Variants in ZNF365 observed in about 807,000 individuals in gnomAD.
ZNF365 encodes the protein zinc finger protein 365, also known as protein ZNF365.
In ZNF365, 22 loss-of-function variants were observed where a neutral mutation model predicts 35.0. The ratio of observed to expected loss-of-function variants is 0.63; its 90% CI spans 0.45 to 0.90. ZNF365 has a LOEUF of 0.90. Among genes scored for constraint, ZNF365 ranks in the 40% least tolerant of loss-of-function variants. The pLI, the probability that ZNF365 is intolerant of heterozygous loss-of-function variation, is 0.00. For synonymous variants in ZNF365, 188 were observed against 196.2 expected, an observed-to-expected ratio of 0.96 and a Z score of 0.35; for missense variants, 448 against 500.3, an observed-to-expected ratio of 0.90 and a Z score of 1.00.
At chr10:62,435,126 A>G (rs1400994143) in intron 3 of ZNF365, among the ~76,000 whole-genome samples, 1 of 152,180 alleles carries the variant, frequency 6.6e-6, no homozygotes, top group Non-Finnish European at 1.5e-5. Flanking sequence ...ATGACTGGCT[A>G]ATGACAGACT....
chr10:62,476,700 G>A lies in ZNF365; in HGVS notation c.982-3176G>A, dbSNP rs558527081. Reference sequence around the variant, plus strand: ...TGAAATGCATAAGTCAAATGGTTAAGGAAGCAAATTAGACATTGAAGTGTT... The same window carrying A: ...TGAAATGCATAAGTCAAATGGTTAAAGAAGCAAATTAGACATTGAAGTGTT... On this transcript the variant is annotated intron_variant, in intron 4 of 4. Transcript: ENST00000395255. 2.6e-5 allele frequency among the ~76,000 whole-genome samples: 4 copies of A among 152,332 alleles called. No homozygotes were observed. In the East Asian group the frequency reaches 7.7e-4, roughly 29 times the overall value.
intron 3 of ZNF365, among the ~76,000 whole-genome samples, chr10:62,454,429 C>T (rs977740792): frequency 6.6e-6 from 1 of 152,180 alleles, no homozygotes; most frequent in Admixed American, 6.5e-5. Flanking sequence ...CACCTTTGGA[C>T]ACTGGGAACT....
intron 3 of ZNF365, among the ~76,000 whole-genome samples, chr10:62,390,664 G>C (rs1839611596): frequency 6.6e-6 from 1 of 152,112 alleles, no homozygotes; most frequent in African/African-American, 2.4e-5. Context: ...ATGTGTGGTT[G>C]GGCAATTTTG....
chr10:62,441,373 T>G (rs1037318671), intron 3 of ZNF365, among the ~76,000 whole-genome samples: 6 of 152,304 alleles, frequency 3.9e-5, no homozygotes, highest in Middle Eastern at 3.4e-3. Context: ...ATATATTAGT[T>G]CTTTAAATAG....
At chr10:62,417,349 A>G (rs1226518240) in intron 3 of ZNF365, among the ~76,000 whole-genome samples, 2 of 152,090 alleles carry the variant, frequency 1.3e-5, no homozygotes, top group South Asian at 2.1e-4. Flanking sequence ...CCCAGTGGAT[A>G]AAACATTTAA....
At chr10:62,450,174 C>A (rs576605336) in intron 3 of ZNF365, among the ~76,000 whole-genome samples, 23 of 152,204 alleles carry the variant, frequency 1.5e-4, no homozygotes, top group African/African-American at 5.5e-4. Context: ...CCTAATTCCT[C>A]ATTTCGTTTG....
At chr10:62,479,991 T>TG in exon 5 of ZNF365, 1 of 1,579,312 alleles carries the variant, frequency 6.3e-7, no homozygotes, top group South Asian at 1.1e-5. Flanking sequence ...CAACAAATAT[T>TG]TATTAAGCAT....
intron 3 of ZNF365, among the ~76,000 whole-genome samples, chr10:62,420,514 A>G (rs897664899): frequency 1.3e-5 from 2 of 152,162 alleles, no homozygotes; most frequent in Non-Finnish European, 2.9e-5. Flanking sequence ...TGATTCACAT[A>G]TTTTTTCACA....
intron 3 of ZNF365, among the ~76,000 whole-genome samples, chr10:62,451,570 T>C (rs993901651): frequency 1.3e-5 from 2 of 152,190 alleles, no homozygotes; most frequent in African/African-American, 4.8e-5. Flanking sequence ...GAGACTTAGA[T>C]GACTTGAAAG....
chr10:62,434,385 G>A (rs900282898), intron 3 of ZNF365, among the ~76,000 whole-genome samples: 4 of 152,108 alleles, frequency 2.6e-5, no homozygotes, highest in Non-Finnish European at 4.4e-5. Flanking sequence ...TTATCACAAT[G>A]CTTACAAACG....
rs147297103 is a variant in ZNF365 at position 62,421,095 on chromosome 10, T to G, written c.924+32519T>G. Among the ~76,000 whole-genome samples the G allele has an allele frequency of 2.0e-4, 30 of 152,148 alleles. No individual in the cohort carries two copies. In the South Asian group the frequency reaches 5.6e-3, roughly 28 times the overall value. On this transcript the variant is annotated intron_variant, in intron 3 of 4. Transcript: ENST00000395255. ...TGGGTTTAGAGACATTGGCAACCGA[T>G]AGTGGTAGCTCATTGCTTATACTGG...
intron 4 of ZNF365, among the ~76,000 whole-genome samples, chr10:62,472,498 G>T (rs1841058587): frequency 6.6e-6 from 1 of 152,188 alleles, no homozygotes; most frequent in Admixed American, 6.5e-5. Context: ...GCAACACATA[G>T]AGGGAAGATA....
chr10:62,468,436 A>G (rs1413707017), intron 4 of ZNF365, among the ~76,000 whole-genome samples: 4 of 152,342 alleles, frequency 2.6e-5, no homozygotes, highest in East Asian at 3.9e-4. Context: ...CATGGCTGAA[A>G]CAGGATCTAG....
intron 3 of ZNF365, among the ~76,000 whole-genome samples, chr10:62,408,301 G>A (rs7082840): frequency 0.024 from 3,660 of 152,144 alleles, 136 homozygotes; most frequent in African/African-American, 0.075. Context: ...AAAGGGCAAC[G>A]TTTAATGAAC....
At chr10:62,423,336 CA>C (rs1840202848) in intron 3 of ZNF365, among the ~76,000 whole-genome samples, 1 of 152,018 alleles carries the variant, frequency 6.6e-6, no homozygotes, top group Non-Finnish European at 1.5e-5. Flanking sequence ...TTTTGAATTT[CA>C]GCATTTCTCA....
At chr10:62,441,749 TG>T in intron 3 of ZNF365, among the ~76,000 whole-genome samples, 1 of 152,310 alleles carries the variant, frequency 6.6e-6, no homozygotes, top group South Asian at 2.1e-4. Context: ...AGCAAATAAC[TG>T]GACCTATTTT....
intron 4 of ZNF365, among the ~76,000 whole-genome samples, chr10:62,472,983 A>C (rs995387280): frequency 1.3e-5 from 2 of 152,102 alleles, no homozygotes; most frequent in African/African-American, 2.4e-5. Context: ...AGAGGCAACC[A>C]CTGTGACCTG....
chr10:62,443,868 T>A (rs1035408113), intron 3 of ZNF365, among the ~76,000 whole-genome samples: 1 of 152,098 alleles, frequency 6.6e-6, no homozygotes, highest in African/African-American at 2.4e-5. Context: ...TAAAAAAAAA[T>A]TAAGCCAGGC....
intron 4 of ZNF365, among the ~76,000 whole-genome samples, chr10:62,469,794 A>G (rs563258773): frequency 2.6e-5 from 4 of 152,258 alleles, no homozygotes; most frequent in African/African-American, 9.6e-5. Flanking sequence ...TACTATTGTC[A>G]CCCTCATTTT....
Sources: gnomAD v4.1 joint callset for allele counts (sites outside exome capture counted in the v4.1 genomes callset) on GRCh38, gnomAD v4.1.1 for gene constraint, MANE v1.5 for transcripts, NCBI Gene and HGNC (gene_info 2026-07-23, HGNC 2026-07-21) for gene names.